The following ZDHHC7 variants were observed in gnomAD, a reference collection of about 807,000 sequenced individuals.
ZDHHC7 encodes the protein palmitoyltransferase ZDHHC7.
In ZDHHC7, 12 loss-of-function variants were observed where a neutral mutation model predicts 34.1. That is an observed-to-expected ratio of 0.35 (90% CI 0.23 to 0.57). The LOEUF (loss-of-function observed/expected upper bound fraction) is 0.57. Ranked by LOEUF, ZDHHC7 falls within the 20% of genes least tolerant of loss-of-function variation. ZDHHC7 has a pLI of 0.84. For missense variants in ZDHHC7, 388 were observed against 402.7 expected, an observed-to-expected ratio of 0.96 and a Z score of 0.31; for synonymous variants, 185 against 155.4, an observed-to-expected ratio of 1.19 and a Z score of -1.42.
intron 3 of ZDHHC7, 102 bp from the exon 4 acceptor site, chr16:84,982,096 C>G: frequency 1.3e-6 from 2 of 1,493,322 alleles, no homozygotes; most frequent in Non-Finnish European, 1.8e-6. Context: ...CTTTGGGAGG[C>G]TGAGGCGGGT....
Position 84,976,027 on chromosome 16 carries a change from A to G in ZDHHC7, c.*316T>C, listed in dbSNP as rs556380532. 3.3e-6 allele frequency: 1 copy of G among 300,756 alleles called. No homozygotes were observed. Among genetic ancestry groups the G allele is most frequent in the South Asian group, 4.5e-5 (1 of 22,054 alleles). 18.6% of individuals were successfully genotyped at this position (300,756 alleles called of 1,614,324 possible). On this transcript the variant is annotated 3_prime_UTR_variant, in exon 8 of 8. Coordinates refer to ENST00000313732, the MANE Select transcript of ZDHHC7 (RefSeq NM_017740.3). ...GTTTTTCTTCATGATTGGAAACAGC[A>G]GCTCAGGACCCAGGATTTGAATAAC...
intron 3 of ZDHHC7, among the ~76,000 whole-genome samples, chr16:84,983,573 GC>G (rs895667599): frequency 2.0e-5 from 3 of 152,316 alleles, no homozygotes; most frequent in Admixed American, 2.0e-4. Flanking sequence ...TCCAAACAAG[GC>G]CCCGTCAGTC....
chr16:84,984,393 T>C (rs982238518), intron 3 of ZDHHC7, among the ~76,000 whole-genome samples: 1 of 152,150 alleles, frequency 6.6e-6, no homozygotes, highest in Admixed American at 6.5e-5. Flanking sequence ...AATTCCACAA[T>C]GTTGCATATA....
chr16:84,999,593 G>C (rs1018040377), intron 1 of ZDHHC7, among the ~76,000 whole-genome samples: 1 of 152,162 alleles, frequency 6.6e-6, no homozygotes, highest in Admixed American at 6.5e-5. Flanking sequence ...ATTATGCTAA[G>C]TGAAAGAAGC....
At chr16:84,980,021 C>A (rs1004927581) in intron 4 of ZDHHC7, among the ~76,000 whole-genome samples, 1 of 140,122 alleles carries the variant, frequency 7.1e-6, no homozygotes, top group Non-Finnish European at 1.5e-5. Context: ...GTGGCGCAAT[C>A]TCAATCTCAG....
At chr16:85,024,196 G>C in the ZDHHC7 span, among the ~76,000 whole-genome samples, 1 of 150,092 alleles carries the variant, frequency 6.7e-6, no homozygotes, top group Non-Finnish European at 1.5e-5. Flanking sequence ...GAGATTACAG[G>C]CATGAGGCCC....
In ZDHHC7 at chr16:84,976,356, T is replaced by C; in HGVS notation, c.914A>G (p.Glu305Gly). ...LPTRPRKGGP[E>G]FSV ...ATGAGCCACGCCTCACACTGAGAAC[T>C]CCGGGCCACCTTTTCTGGGTCTCGT... The change falls in exon 8 of 8, where the codon GAG becomes GGG. Residue 305 changes from glutamate to glycine, a missense_variant. By Grantham distance (98) the Glu-to-Gly change is moderately conservative (BLOSUM62 -2). Coordinates refer to ENST00000313732, the MANE Select transcript of ZDHHC7 (RefSeq NM_017740.3). 2 of 1,613,924 alleles carry C rather than the reference T, an allele frequency of 1.2e-6. No homozygotes were observed. The highest frequency in any genetic ancestry group is 1.7e-6 in the Non-Finnish European group (2 of 1,179,986).
chr16:84,988,878 A>G (rs1281968439), intron 3 of ZDHHC7: 1 of 1,551,416 alleles, frequency 6.4e-7, no homozygotes, highest in Non-Finnish European at 8.7e-7. Context: ...TTTTTCCTAC[A>G]AGGCAATATT....
At chr16:84,992,044 C>T (rs1401688844) in intron 2 of ZDHHC7, among the ~76,000 whole-genome samples, 1 of 151,742 alleles carries the variant, frequency 6.6e-6, no homozygotes, top group Admixed American at 6.6e-5. Flanking sequence ...GGCATGGTGG[C>T]GTGCGCCTGT....
intron 3 of ZDHHC7, chr16:84,988,797 C>A: frequency 6.4e-7 from 1 of 1,551,738 alleles, no homozygotes; most frequent in Non-Finnish European, 8.7e-7. Context: ...GGTTCCCTCA[C>A]CACAAATGCC....
intron 3 of ZDHHC7, among the ~76,000 whole-genome samples, chr16:84,982,818 G>A (rs955528861): frequency 9.9e-5 from 15 of 152,238 alleles, no homozygotes; most frequent in Admixed American, 9.8e-4. Flanking sequence ...TGGAGAAGAT[G>A]AGCAATGGCG....
chr16:85,003,119 G>A (rs1029807178), intron 1 of ZDHHC7, among the ~76,000 whole-genome samples: 2 of 152,166 alleles, frequency 1.3e-5, no homozygotes, highest in African/African-American at 4.8e-5. Flanking sequence ...ATGCAAGCGG[G>A]AGAGGCCAAC....
intron 1 of ZDHHC7, among the ~76,000 whole-genome samples, chr16:85,001,228 T>C (rs1210060046): frequency 6.6e-6 from 1 of 152,054 alleles, no homozygotes. Flanking sequence ...CCCAGCACTT[T>C]GGGAGGCCAA....
the ZDHHC7 span, among the ~76,000 whole-genome samples, chr16:85,020,083 T>G: frequency 6.6e-6 from 1 of 152,220 alleles, no homozygotes; most frequent in Non-Finnish European, 1.5e-5. Context: ...CCGTTTCGGC[T>G]GCGCCACACC....
intron 3 of ZDHHC7, among the ~76,000 whole-genome samples, chr16:84,983,669 G>C (rs1334455301): frequency 6.6e-6 from 1 of 152,140 alleles, no homozygotes; most frequent in Non-Finnish European, 1.5e-5. Context: ...TTAGAAAAGG[G>C]TTTAAACTCA....
chr16:85,009,228 T>C (rs532080437), intron 1 of ZDHHC7, among the ~76,000 whole-genome samples: 3 of 152,102 alleles, frequency 2.0e-5, no homozygotes, highest in Non-Finnish European at 2.9e-5. Context: ...TTAACAAAGA[T>C]TGTATTATTT....
intron 1 of ZDHHC7, among the ~76,000 whole-genome samples, chr16:84,999,313 T>G (rs1469857445): frequency 6.6e-6 from 1 of 152,182 alleles, no homozygotes; most frequent in African/African-American, 2.4e-5. Flanking sequence ...GTCTGGCACT[T>G]TCTCAAAGTT....
intron 1 of ZDHHC7, among the ~76,000 whole-genome samples, chr16:85,001,049 G>A (rs2072645892): frequency 6.6e-6 from 1 of 152,196 alleles, no homozygotes; most frequent in African/African-American, 2.4e-5. Flanking sequence ...AGAGGGGAAT[G>A]TGACCAGAAG....
chr16:84,985,474 A>G lies in ZDHHC7; in HGVS notation c.316-3480T>C, dbSNP rs527463536. On this transcript the variant is annotated intron_variant, in intron 3 of 7. Coordinates refer to ENST00000313732, the MANE Select transcript of ZDHHC7 (RefSeq NM_017740.3). ...GGAAAATGCTGGGGACGAGGAGCAC[A>G]GCAAAACCCAGTACAGGGATGTAAA... 3.3e-5 allele frequency among the ~76,000 whole-genome samples: 5 copies of G among 152,366 alleles called. No homozygotes were observed. In the South Asian group the frequency reaches 1.0e-3, roughly 32 times the overall value.
Sources: gnomAD v4.1 joint callset for allele counts (sites outside exome capture counted in the v4.1 genomes callset) on GRCh38, gnomAD v4.1.1 for gene constraint, MANE v1.5 for transcripts, NCBI Gene and HGNC (gene_info 2026-07-23, HGNC 2026-07-21) for gene names.